The following SUMF1 variants were observed in gnomAD, a reference collection of about 807,000 sequenced individuals.
The protein encoded by SUMF1 is formylglycine-generating enzyme.
SUMF1 carries 48 observed loss-of-function variants against 47.6 expected under a neutral mutation model. That is an observed-to-expected ratio of 1.01 (90% CI 0.80 to 1.28). SUMF1 has a LOEUF of 1.28. Ranked by LOEUF, SUMF1 falls within the 50% of genes most tolerant of loss-of-function variation. The pLI is 0.00. For synonymous variants in SUMF1, 230 were observed against 192.1 expected (o/e 1.20, Z -1.63); for missense variants, 571 against 485.4 (o/e 1.18, Z -1.66).
At chr3:4,095,909 C>CCAATACAGACACATT (rs1288257284) in intron 8 of SUMF1, among the ~76,000 whole-genome samples, 3 of 152,088 alleles carry the variant, frequency 2.0e-5, no homozygotes, top group African/African-American at 7.2e-5. Context: ...CCCAACTCAG[C>CCAATACAGACACATT]CAATACAGAC....
intron 8 of SUMF1, chr3:4,229,317 A>G (rs139779383): frequency 2.4e-6 from 1 of 408,894 alleles, no homozygotes; most frequent in East Asian, 9.4e-5. Context: ...TTCCTGTGAA[A>G]TCCTCTGGTG....
intron 8 of SUMF1, among the ~76,000 whole-genome samples, chr3:4,251,647 A>G (rs1696804175): frequency 6.6e-6 from 1 of 152,144 alleles, no homozygotes; most frequent in South Asian, 2.1e-4. Flanking sequence ...GAATATTCAG[A>G]CAGTCAATCC....
At chr3:4,092,976 T>G (rs1349479895) in intron 8 of SUMF1, among the ~76,000 whole-genome samples, 1 of 152,076 alleles carries the variant, frequency 6.6e-6, no homozygotes, top group Non-Finnish European at 1.5e-5. Context: ...ATTCCATGAA[T>G]GTGCCAATGT....
At chr3:4,394,120 T>C (rs546509944) in intron 7 of SUMF1, among the ~76,000 whole-genome samples, 1 of 152,286 alleles carries the variant, frequency 6.6e-6, no homozygotes, top group South Asian at 2.1e-4. Context: ...TTTGTTTTTA[T>C]TATTATTTTT....
At chr3:4,258,310 T>G (rs950982702) in intron 8 of SUMF1, among the ~76,000 whole-genome samples, 1 of 146,550 alleles carries the variant, frequency 6.8e-6, no homozygotes, top group Non-Finnish European at 1.5e-5. Flanking sequence ...GAAACTACCA[T>G]CAGAGTGAAC....
chr3:4,433,480 T>C (rs1438009483), intron 3 of SUMF1, among the ~76,000 whole-genome samples: 2 of 152,152 alleles, frequency 1.3e-5, no homozygotes, highest in African/African-American at 4.8e-5. Context: ...GAACAACTAC[T>C]CTTTTCAAAA....
chr3:4,154,890 G>A (rs1338913434), intron 8 of SUMF1, among the ~76,000 whole-genome samples: 1 of 151,514 alleles, frequency 6.6e-6, no homozygotes, highest in Non-Finnish European at 1.5e-5. Context: ...GCAACTTGAA[G>A]TAAGACCCTC....
At chr3:4,155,398 G>C (rs544576381) in intron 8 of SUMF1, among the ~76,000 whole-genome samples, 1 of 151,532 alleles carries the variant, frequency 6.6e-6, no homozygotes, top group Non-Finnish European at 1.5e-5. Flanking sequence ...AAAATGCTAC[G>C]TACTTGCTTT....
At chr3:4,454,801 A>G (rs1478863371) in intron 1 of SUMF1, among the ~76,000 whole-genome samples, 1 of 152,234 alleles carries the variant, frequency 6.6e-6, no homozygotes, top group Non-Finnish European at 1.5e-5. Flanking sequence ...TACTATATTA[A>G]GTGAAAGAAT....
At chr3:4,174,914 C>A (rs1054417881) in intron 8 of SUMF1, among the ~76,000 whole-genome samples, 1 of 152,216 alleles carries the variant, frequency 6.6e-6, no homozygotes, top group Admixed American at 6.5e-5. Flanking sequence ...CCCACACCCA[C>A]GAAGCCTTGC....
intron 8 of SUMF1, among the ~76,000 whole-genome samples, chr3:4,330,054 A>C (rs958356317): frequency 6.6e-6 from 1 of 152,194 alleles, no homozygotes; most frequent in African/African-American, 2.4e-5. Flanking sequence ...CCTTTGCTCC[A>C]GTTCCCAACA....
chr3:4,076,961 G>A (rs1399214912), intron 8 of SUMF1, among the ~76,000 whole-genome samples: 2 of 151,978 alleles, frequency 1.3e-5, no homozygotes, highest in Non-Finnish European at 2.9e-5. Flanking sequence ...CCGAGATCGT[G>A]CCACTGCACT....
At chr3:4,280,994 C>G (rs1697518100) in intron 8 of SUMF1, among the ~76,000 whole-genome samples, 1 of 152,070 alleles carries the variant, frequency 6.6e-6, no homozygotes, top group Non-Finnish European at 1.5e-5. Flanking sequence ...GTCACATTCA[C>G]AAGTACTAGG....
chr3:4,060,497 T>C (rs1330387533), intron 9 of SUMF1, among the ~76,000 whole-genome samples: 1 of 152,194 alleles, frequency 6.6e-6, no homozygotes, highest in African/African-American at 2.4e-5. Context: ...TTTGGACTTT[T>C]GAAAGGCATG....
intron 8 of SUMF1, among the ~76,000 whole-genome samples, chr3:4,330,586 C>T (rs148727205): frequency 1.0e-3 from 153 of 152,212 alleles, no homozygotes; most frequent in African/African-American, 3.4e-3. Context: ...TCCACTTGGC[C>T]CCGCCCTTGA....
exon 9 of SUMF1, chr3:4,068,714 T>A (rs954557765): frequency 9.0e-6 from 4 of 442,262 alleles, no homozygotes; most frequent in African/African-American, 6.1e-5. Context: ...AGATGCCACA[T>A]CTTGAAAATA....
intron 8 of SUMF1, among the ~76,000 whole-genome samples, chr3:4,272,788 T>C (rs1196078375): frequency 6.6e-6 from 1 of 152,088 alleles, no homozygotes; most frequent in African/African-American, 2.4e-5. Flanking sequence ...AAATTTACCA[T>C]ATGGGCCAAG....
intron 9 of SUMF1, among the ~76,000 whole-genome samples, chr3:4,063,722 A>C (rs1695317660): frequency 6.6e-6 from 1 of 152,170 alleles, no homozygotes; most frequent in Non-Finnish European, 1.5e-5. Context: ...TTTGGAAGAC[A>C]CCAGGCACTA....
chr3:4,437,658 G>C (rs1028990286), intron 3 of SUMF1, among the ~76,000 whole-genome samples: 2 of 152,090 alleles, frequency 1.3e-5, no homozygotes, highest in African/African-American at 2.4e-5. Context: ...TGAAAAGAAG[G>C]CTGGGCACGG....
Sources: allele counts gnomAD v4.1 joint callset (sites outside exome capture counted in the v4.1 genomes callset), GRCh38; gene constraint gnomAD v4.1.1; transcripts MANE v1.5; gene names NCBI Gene and HGNC (gene_info 2026-07-23, HGNC 2026-07-21).